ZXDC: variants seen among roughly 807,000 people sequenced by gnomAD.
ZXDC encodes the protein ZXD family zinc finger C.
Under a neutral mutation model 63.6 loss-of-function variants are expected in ZXDC, and 58 were observed. The observed-to-expected ratio is 0.91, with a 90% CI of 0.74 to 1.13. The LOEUF is 1.13. Ranked by LOEUF, ZXDC falls within the 50% of genes most tolerant of loss-of-function variation. The pLI, the probability that ZXDC is intolerant of heterozygous loss-of-function variation, is 0.00. For missense variants in ZXDC, 1,133 were observed against 1,148.9 expected (o/e 0.99, Z 0.20); for synonymous variants, 561 against 496.1 (o/e 1.13, Z -1.74).
At chr3:126,471,822 T>C (rs1009829615) in intron 3 of ZXDC, 151 bp downstream of exon 3, 2 of 615,288 alleles carry the variant, frequency 3.3e-6, no homozygotes, top group Non-Finnish European at 2.6e-6. Context: ...AATTTTCTTT[T>C]TACAGTTTTC....
chr3:126,457,407 G>C (rs749728328), intron 7 of ZXDC: 6 of 985,470 alleles, frequency 6.1e-6, no homozygotes, highest in Non-Finnish European at 7.2e-6. Context: ...TTGGAAAAGA[G>C]ACGGTGGCCT....
At chr3:126,451,343 CACAGAGTGT>C (rs1424000296) in intron 7 of ZXDC, 7 of 985,248 alleles carry the variant, frequency 7.1e-6, no homozygotes, top group Non-Finnish European at 8.4e-6. Flanking sequence ...TGAAAACATG[CACAGAGTGT>C]ACAGTTCTTC....
intron 3 of ZXDC, among the ~76,000 whole-genome samples, chr3:126,471,349 G>T (rs1273017547): frequency 6.6e-6 from 1 of 152,212 alleles, no homozygotes; most frequent in Non-Finnish European, 1.5e-5. Flanking sequence ...AAACCCCAAT[G>T]ATCAACAAGC....
At chr3:126,474,501 G>A (rs998865193) in intron 1 of ZXDC, among the ~76,000 whole-genome samples, 2 of 152,134 alleles carry the variant, frequency 1.3e-5, no homozygotes, top group African/African-American at 4.8e-5. Context: ...AAGTGCAAAA[G>A]GCAAAAAAAG....
chr3:126,468,305 C>T (rs1454790140), intron 4 of ZXDC, among the ~76,000 whole-genome samples: 1 of 143,772 alleles, frequency 7.0e-6, no homozygotes, highest in African/African-American at 2.5e-5. Flanking sequence ...TTGTCCTTTC[C>T]TCCTCCTCCT....
At position 126,441,792 on chromosome 3, in the gene ZXDC, C is replaced by A. The variant is rs750986326; in HGVS notation, c.2367G>T (p.Ala789=). The A allele has an allele frequency of 6.2e-7, 1 of 1,606,952 alleles. No individual in the cohort carries two copies. The highest frequency in any genetic ancestry group is 8.5e-7 in the Non-Finnish European group (1 of 1,177,630). The change falls in exon 8 of 10, where the codon GCG becomes GCT. Residue 789 remains alanine, a synonymous_variant. Coordinates refer to ENST00000389709, the MANE Select transcript of ZXDC (RefSeq NM_025112.5). ...PAPAAGVQCG[A]QGVQVQLVQD... ...GCACCAGCTGGACCTGGACGCCCTG[C>A]GCCCCGCACTGCACCCCAGCTGCTG...
chr3:126,462,188 G>C lies in ZXDC; in HGVS notation c.1474C>G (p.Leu492Val). ...LLPQLEAPSS[L>V]TPSSELSSPG... is the part of the protein sequence containing the mutation. Reference sequence around the variant, plus strand: ...CTGCTGAGTTCACTGCTGGGAGTAAGAGAACTCGGAGCTTCTAGCTGAGGT... The same window carrying C: ...CTGCTGAGTTCACTGCTGGGAGTAACAGAACTCGGAGCTTCTAGCTGAGGT... Residue 492 changes from leucine (L) to valine (V), a missense_variant, in exon 6 of 10, where the codon CTT (leucine) becomes GTT (valine). Leu to Val is a conservative substitution (Grantham distance 32). Coordinates refer to ENST00000389709, the MANE Select transcript of ZXDC (RefSeq NM_025112.5). 6.2e-7 allele frequency: 1 copy of C among 1,604,032 alleles called. No homozygotes were observed. Among genetic ancestry groups the C allele is most frequent in the Non-Finnish European group, 8.5e-7 (1 of 1,176,752 alleles).
chr3:126,454,520 C>G (rs1934235357), intron 7 of ZXDC: 1 of 985,368 alleles, frequency 1.0e-6, no homozygotes, highest in Non-Finnish European at 1.2e-6. Flanking sequence ...TTAACCTTCC[C>G]AAATATTTCC....
At chr3:126,469,982 C>A (rs1934917708) in intron 4 of ZXDC, among the ~76,000 whole-genome samples, 1 of 152,194 alleles carries the variant, frequency 6.6e-6, no homozygotes, top group Admixed American at 6.5e-5. Flanking sequence ...GAGGCCACCA[C>A]TTTAGGGAGC....
At position 126,459,062 on chromosome 3, in the gene ZXDC, T is replaced by C. The variant is rs17690843; in HGVS notation, c.2212+591A>G. On this transcript the variant is annotated intron_variant, in intron 7 of 9. Coordinates refer to ENST00000389709, the MANE Select transcript of ZXDC (RefSeq NM_025112.5). ...TATTTTAAAAATCCACTGTTAGTTT[T>C]TAGAAAAAGATTTAGCAGTTTCCAT... The C allele has an allele frequency of 0.09, 88,924 of 984,958 alleles. 4,358 individuals are homozygous for C. The highest frequency in any genetic ancestry group is 0.097 in the Non-Finnish European group (80,131 of 829,466). 61.0% of individuals were successfully genotyped at this position (984,958 alleles called of 1,614,324 possible).
chr3:126,458,732 T>G (rs962628935), intron 7 of ZXDC: 2 of 985,356 alleles, frequency 2.0e-6, no homozygotes, highest in Non-Finnish European at 2.4e-6. Flanking sequence ...TTCATGAACT[T>G]TCCTTGGTAT....
chr3:126,440,571 G>C (rs1933638361), intron 8 of ZXDC: 1 of 985,942 alleles, frequency 1.0e-6, no homozygotes, highest in African/African-American at 1.7e-5. Context: ...CAAGCCTCTG[G>C]TCCTGACTCT....
chr3:126,444,325 G>T (rs1933795123), intron 7 of ZXDC, among the ~76,000 whole-genome samples: 1 of 152,192 alleles, frequency 6.6e-6, no homozygotes. Flanking sequence ...AAGGTCAGGA[G>T]ATCGAGACCA....
intron 7 of ZXDC, among the ~76,000 whole-genome samples, chr3:126,449,392 G>A (rs551566589): frequency 6.6e-6 from 1 of 152,186 alleles, no homozygotes; most frequent in Non-Finnish European, 1.5e-5. Context: ...CCTGGGCTAA[G>A]TATTTTGCAA....
At chr3:126,458,686 A>G (rs1560097510) in intron 7 of ZXDC, 1 of 985,356 alleles carries the variant, frequency 1.0e-6, no homozygotes, top group Non-Finnish European at 1.2e-6. Context: ...TTTCTTCAAG[A>G]TTATCTACCA....
intron 7 of ZXDC, chr3:126,453,867 G>A (rs1008553157): frequency 4.1e-6 from 4 of 984,784 alleles, no homozygotes; most frequent in Non-Finnish European, 4.8e-6. Flanking sequence ...GCCCAGCCTC[G>A]CTTTTATTTC....
Position 126,470,939 on chromosome 3 carries a change from C to T in ZXDC, c.1226G>A (p.Ser409Asn), listed in dbSNP as rs962016534. 9.9e-6 allele frequency: 16 copies of T among 1,614,212 alleles called. No homozygotes were observed. The highest frequency in any genetic ancestry group is 1.4e-5 in the Non-Finnish European group (16 of 1,180,040). ...FTRAEHLKGH[S>N]ITHLGTKPFE... is the part of the protein sequence containing the mutation. ...CGGCTTTGTGCCTAGGTGGGTTATG[C>T]TGTGGCCTTTCAGATGCTCTGCTCT... The change falls in exon 4 of 10, where the codon AGC becomes AAC. Residue 409 changes from serine (S) to asparagine (N), a missense_variant. By Grantham distance (46) the Ser-to-Asn change is conservative (BLOSUM62 1). Transcript: ENST00000389709.
At position 126,454,742 on chromosome 3, in the gene ZXDC, T is replaced by C. The variant is rs368900027; in HGVS notation, c.2212+4911A>G. 6.0e-5 allele frequency: 59 copies of C among 985,370 alleles called. No homozygotes were observed. In the African/African-American group the frequency reaches 9.4e-4, roughly 16 times the overall value. The allele number at this position is 985,370 out of a possible 1,614,324, so 61.0% of individuals were successfully genotyped here. A position where few individuals can be genotyped will look rare whatever the true frequency, so the allele number is the denominator to read the frequency against. ...TCTGCCCTTAGACAGCAGAAAGGTATACATACCCATTTATAGTTCTGAAGC... is the reference window on the plus strand; with the variant it reads ...TCTGCCCTTAGACAGCAGAAAGGTACACATACCCATTTATAGTTCTGAAGC... On this transcript the variant is annotated intron_variant, in intron 7 of 9. Coordinates refer to ENST00000389709, the MANE Select transcript of ZXDC (RefSeq NM_025112.5).
At chr3:126,459,589 C>A (rs1934439264) in intron 7 of ZXDC, 64 bp downstream of exon 7, 1 of 1,609,690 alleles carries the variant, frequency 6.2e-7, no homozygotes. Flanking sequence ...GTTTCTTCTG[C>A]CAGTAACAGT....
Sources: gnomAD v4.1 joint callset for allele counts (sites outside exome capture counted in the v4.1 genomes callset) on GRCh38, gnomAD v4.1.1 for gene constraint, MANE v1.5 for transcripts, NCBI Gene and HGNC (gene_info 2026-07-23, HGNC 2026-07-21) for gene names.